The following LRBA variants were observed in gnomAD, a reference collection of about 807,000 sequenced individuals.
The protein encoded by LRBA is lipopolysaccharide-responsive and beige-like anchor protein.
In LRBA, 176 loss-of-function variants were observed where a neutral mutation model predicts 330.0. That is an observed-to-expected ratio of 0.53 (90% CI 0.47 to 0.60). LRBA has a LOEUF of 0.60. Ranked by LOEUF, LRBA falls within the 20% of genes least tolerant of loss-of-function variation. The pLI is 0.00. For synonymous variants in LRBA, 1,230 were observed against 1,193.0 expected (o/e 1.03, Z -0.64); for missense variants, 3,259 against 3,444.8 (o/e 0.95, Z 1.35).
chr4:150,479,119 T>TA (rs200713936), intron 42 of LRBA, among the ~76,000 whole-genome samples: 51 of 147,678 alleles, frequency 3.5e-4, no homozygotes, highest in African/African-American at 7.7e-4. Flanking sequence ...CAGCATCTCT[T>TA]AAAAAAAAAA....
intron 50 of LRBA, among the ~76,000 whole-genome samples, chr4:150,319,061 G>A (rs1732115911): frequency 6.6e-6 from 1 of 152,208 alleles, no homozygotes; most frequent in Non-Finnish European, 1.5e-5. Context: ...ACACCAGCTT[G>A]CTGGAAAGGT....
At chr4:150,375,835 G>A (rs558607336) in intron 47 of LRBA, among the ~76,000 whole-genome samples, 212 of 152,064 alleles carry the variant, frequency 1.4e-3, no homozygotes, top group African/African-American at 4.8e-3. Context: ...CTTGTTTTCT[G>A]AAAGAAAACT....
intron 42 of LRBA, among the ~76,000 whole-genome samples, chr4:150,486,359 A>G (rs994839532): frequency 3.3e-5 from 5 of 151,808 alleles, no homozygotes; most frequent in African/African-American, 1.2e-4. Flanking sequence ...TATATAGTTT[A>G]GGCAAATAGT....
intron 16 of LRBA, among the ~76,000 whole-genome samples, chr4:150,895,797 C>T (rs1730010682): frequency 6.6e-6 from 1 of 152,034 alleles, no homozygotes; most frequent in South Asian, 2.1e-4. Context: ...GGGTATATAC[C>T]CAGTAATGGG....
chr4:150,509,893 T>C (rs1761634881), intron 40 of LRBA, among the ~76,000 whole-genome samples: 1 of 152,100 alleles, frequency 6.6e-6, no homozygotes, highest in Non-Finnish European at 1.5e-5. Context: ...TCCCAGAACT[T>C]TGGGAGACAG....
At chr4:150,987,330 G>A (rs1043480024) in intron 2 of LRBA, among the ~76,000 whole-genome samples, 1 of 152,196 alleles carries the variant, frequency 6.6e-6, no homozygotes, top group African/African-American at 2.4e-5. Context: ...TTGTGCTAAT[G>A]CCTTAAAGGT....
At chr4:150,704,022 T>C (rs1785371345) in intron 36 of LRBA, among the ~76,000 whole-genome samples, 1 of 151,974 alleles carries the variant, frequency 6.6e-6, no homozygotes, top group Non-Finnish European at 1.5e-5. Context: ...CTGCACAATA[T>C]ATAGCAAGAC....
intron 37 of LRBA, among the ~76,000 whole-genome samples, chr4:150,648,163 A>AAAAAAAAAAAAAAAAAAAAAAAAAC (rs1561468343): frequency 5.7e-5 from 8 of 139,910 alleles, no homozygotes; most frequent in African/African-American, 1.5e-4. Flanking sequence ...AGTAGCAAAA[A>AAAAAAAAAAAAAAAAAAAAAAAAAC]AAAAAAAAAA....
intron 51 of LRBA, among the ~76,000 whole-genome samples, chr4:150,313,840 G>GTATATATATATATA (rs35815992): frequency 5.6e-5 from 8 of 141,990 alleles, no homozygotes; most frequent in African/African-American, 2.0e-4. Context: ...TATATATAAT[G>GTATATATATATATA]TATATATATA....
intron 36 of LRBA, among the ~76,000 whole-genome samples, chr4:150,693,151 T>C (rs1481138288): frequency 6.6e-6 from 1 of 152,188 alleles, no homozygotes; most frequent in African/African-American, 2.4e-5. Context: ...GAATACTATG[T>C]AGTAATGAAA....
intron 37 of LRBA, among the ~76,000 whole-genome samples, chr4:150,616,941 A>C (rs1775824438): frequency 6.6e-6 from 1 of 152,248 alleles, no homozygotes; most frequent in African/African-American, 2.4e-5. Flanking sequence ...AAAGATAAAA[A>C]GTCAAAATCA....
At chr4:150,538,305 T>G (rs1413173882) in intron 40 of LRBA, among the ~76,000 whole-genome samples, 3 of 151,920 alleles carry the variant, frequency 2.0e-5, no homozygotes, top group African/African-American at 7.3e-5. Context: ...CTAAAGAAAA[T>G]AAATCATTCT....
chr4:150,466,553 T>A (rs1381667978), intron 44 of LRBA, among the ~76,000 whole-genome samples: 1 of 151,884 alleles, frequency 6.6e-6, no homozygotes, highest in Non-Finnish European at 1.5e-5. Flanking sequence ...CAGCAAGAAA[T>A]CTGGTGTTTT....
intron 2 of LRBA, among the ~76,000 whole-genome samples, chr4:150,959,117 G>C (rs1737858921): frequency 1.3e-5 from 2 of 149,424 alleles, no homozygotes; most frequent in South Asian, 4.1e-4. Flanking sequence ...AAAGGCAAGA[G>C]GATTAACGGA....
chr4:150,352,293 T>C (rs1452534517), intron 47 of LRBA, among the ~76,000 whole-genome samples: 6 of 152,214 alleles, frequency 3.9e-5, no homozygotes, highest in Non-Finnish European at 7.3e-5. Flanking sequence ...TGGACACTTG[T>C]GTAAAGATAC....
At chr4:150,275,880 G>C (rs1469530424) in intron 56 of LRBA, among the ~76,000 whole-genome samples, 3 of 152,164 alleles carry the variant, frequency 2.0e-5, no homozygotes, top group Non-Finnish European at 2.9e-5. Context: ...TCAATTCAAT[G>C]CTATCCCCAT....
At chr4:150,333,491 A>C (rs904588212) in intron 48 of LRBA, among the ~76,000 whole-genome samples, 1 of 151,686 alleles carries the variant, frequency 6.6e-6, no homozygotes, top group Non-Finnish European at 1.5e-5. Flanking sequence ...GTAAGATTCT[A>C]ATCCACCTCT....
chr4:150,414,050 T>C (rs1293810516), intron 47 of LRBA, among the ~76,000 whole-genome samples: 1 of 152,210 alleles, frequency 6.6e-6, no homozygotes, highest in Non-Finnish European at 1.5e-5. Flanking sequence ...GATAGAATAA[T>C]ATTATTTACT....
chr4:150,319,850 T>C (rs976750702), intron 50 of LRBA, among the ~76,000 whole-genome samples: 4 of 152,204 alleles, frequency 2.6e-5, no homozygotes, highest in African/African-American at 9.6e-5. Context: ...GTGAAAGCTG[T>C]TGCATTTAAT....
Sources: allele counts gnomAD v4.1 joint callset (sites outside exome capture counted in the v4.1 genomes callset), GRCh38; gene constraint gnomAD v4.1.1; transcripts MANE v1.5; gene names NCBI Gene and HGNC (gene_info 2026-07-23, HGNC 2026-07-21).